Variants in PCDH11X observed in about 807,000 individuals in gnomAD.
PCDH11X encodes the protein protocadherin 11 X-linked.
PCDH11X carries 18 observed loss-of-function variants against 53.3 expected under a neutral mutation model. That is an observed-to-expected ratio of 0.34 (90% CI 0.23 to 0.50). The LOEUF (loss-of-function observed/expected upper bound fraction) is 0.50, where lower values mean the gene tolerates loss of function less well. Ranked by LOEUF, PCDH11X falls within the 20% of genes least tolerant of loss-of-function variation. The pLI is 0.98. For synonymous variants in PCDH11X, 279 were observed against 393.3 expected (o/e 0.71, Z 3.44); for missense variants, 570 against 1,032.4 (o/e 0.55, Z 6.14).
chrX:92,531,829 A>G (rs1173872119), intron 10 of PCDH11X, among the ~76,000 whole-genome samples: 1 of 111,420 alleles, frequency 9.0e-6, no homozygotes, highest in African/African-American at 3.3e-5. Context: ...GGAAATAAAA[A>G]TATCTTTGAG....
At chrX:92,331,574 A>G (rs1030197966) in intron 8 of PCDH11X, among the ~76,000 whole-genome samples, 20 of 109,626 alleles carry the variant, frequency 1.8e-4, no homozygotes, top group African/African-American at 6.6e-4. Context: ...AGGAAATAGT[A>G]TAGTCAATAC....
intron 8 of PCDH11X, among the ~76,000 whole-genome samples, chrX:92,373,099 G>T (rs1327063909): frequency 9.3e-6 from 1 of 107,715 alleles, no homozygotes; most frequent in Non-Finnish European, 1.9e-5. Flanking sequence ...CTGGATATGG[G>T]AATTAAACTG....
chrX:92,587,320 A>G (rs959660377), intron 10 of PCDH11X, among the ~76,000 whole-genome samples: 6 of 111,473 alleles, frequency 5.4e-5, no homozygotes, highest in Non-Finnish European at 9.4e-5. Context: ...TTTAAAATAT[A>G]TATTTGCTCT....
intron 10 of PCDH11X, among the ~76,000 whole-genome samples, chrX:92,572,823 T>G (rs2750565): frequency 0.2 from 18,011 of 91,371 alleles, 2,464 homozygotes; most frequent in Middle Eastern, 0.24. Context: ...GGCAGAGGTT[T>G]CAATGAGCCG....
chrX:92,148,060 T>TCC (rs2065335233), intron 6 of PCDH11X, among the ~76,000 whole-genome samples: 1 of 4,866 alleles, frequency 2.1e-4, no homozygotes, highest in African/African-American at 8.2e-4. Context: ...CTTCCTTCCT[T>TCC]TCTTTCTTTC....
At chrX:92,333,862 A>G (rs1183329481) in intron 8 of PCDH11X, among the ~76,000 whole-genome samples, 2 of 76,471 alleles carry the variant, frequency 2.6e-5, no homozygotes, top group Admixed American at 1.7e-4. Flanking sequence ...AATTATTATC[A>G]GTGTTGAAAG....
At chrX:92,311,666 T>C (rs947823528) in intron 8 of PCDH11X, among the ~76,000 whole-genome samples, 12 of 111,213 alleles carry the variant, frequency 1.1e-4, no homozygotes, top group African/African-American at 2.9e-4. Context: ...TTTTTTTTTT[T>C]CCACAGTAGC....
chrX:91,911,670 A>T (rs1227185502), intron 6 of PCDH11X, among the ~76,000 whole-genome samples: 2 of 110,960 alleles, frequency 1.8e-5, no homozygotes, highest in Admixed American at 1.9e-4. Flanking sequence ...TAGCTCCATG[A>T]GTTCAATTGT....
intron 8 of PCDH11X, among the ~76,000 whole-genome samples, chrX:92,326,737 A>G (rs943831455): frequency 1.2e-5 from 1 of 84,451 alleles, no homozygotes; most frequent in African/African-American, 4.8e-5. Context: ...TTCTGTTCCT[A>G]TTTCTCTCCC....
intron 1 of PCDH11X, among the ~76,000 whole-genome samples, chrX:91,805,210 C>G (rs2147547964): frequency 9.7e-6 from 1 of 102,587 alleles, no homozygotes; most frequent in Admixed American, 1.0e-4. Context: ...TTTAGTCCCT[C>G]AAGATACAGA....
At chrX:92,273,626 A>G (rs966568924) in intron 8 of PCDH11X, among the ~76,000 whole-genome samples, 13 of 110,467 alleles carry the variant, frequency 1.2e-4, no homozygotes, top group Non-Finnish European at 2.3e-4. Flanking sequence ...GGGCTGCTTC[A>G]AGCGGGATTA....
chrX:92,622,581 A>G lies in PCDH11X; in HGVS notation c.*3641A>G, dbSNP rs1340739057. The G allele has an allele frequency of 9.1e-6, 1 of 110,441 alleles. No individual in the cohort carries two copies. The highest frequency in any genetic ancestry group is 3.3e-5 in the African/African-American group (1 of 30,505). The allele number at this position is 110,441 out of a possible 1,213,427, so 9.1% of individuals were successfully genotyped here. A position where few individuals can be genotyped will look rare whatever the true frequency, so the allele number is the denominator to read the frequency against. ...TGGAAACCAAATTTATAGTTAGTTT[A>G]GGTAAACTTTTTATTATGACCATTA... On this transcript the variant is annotated 3_prime_UTR_variant, in exon 11 of 11. Coordinates refer to ENST00000682573, the MANE Select transcript of PCDH11X (RefSeq NM_032968.5).
intron 6 of PCDH11X, among the ~76,000 whole-genome samples, chrX:92,011,782 GT>G (rs1410498029): frequency 1.8e-5 from 2 of 111,061 alleles, no homozygotes; most frequent in African/African-American, 6.5e-5. Context: ...TGATACTTAG[GT>G]TTTAGAATCA....
intron 6 of PCDH11X, among the ~76,000 whole-genome samples, chrX:92,019,655 C>T (rs1377841278): frequency 1.8e-5 from 2 of 111,714 alleles, no homozygotes; most frequent in Non-Finnish European, 3.8e-5. Context: ...TTATTTGAAG[C>T]TAATGAGAAA....
Position 91,878,019 on chromosome X carries a change from T to G in PCDH11X, c.1779T>G (p.Thr593=), listed in dbSNP as rs1212112954. 2 of 1,210,825 alleles carry G rather than the reference T, an allele frequency of 1.7e-6. No homozygotes were observed. Among genetic ancestry groups the G allele is most frequent in the Non-Finnish European group, 2.2e-6 (2 of 895,204 alleles). ...GGCATGGTACAGTAGGACTAATCAC[T>G]GTAACTGATCCTGATTATGGAGACA... The part of the protein sequence containing the change: ...LPRHGTVGLI[T]VTDPDYGDNS... The change falls in exon 6 of 11, where the codon ACT becomes ACG. Residue 593 remains threonine, a synonymous_variant. Transcript: ENST00000682573.
intron 8 of PCDH11X, among the ~76,000 whole-genome samples, chrX:92,268,209 C>G (rs2067874924): frequency 8.9e-6 from 1 of 111,957 alleles, no homozygotes; most frequent in African/African-American, 3.2e-5. Flanking sequence ...ATGCATGAGG[C>G]TAAATCTGCA....
At chrX:91,879,300 T>G (rs1182569375) in intron 6 of PCDH11X, 27 bp downstream of exon 6, 1 of 1,209,439 alleles carries the variant, frequency 8.3e-7, no homozygotes, top group Admixed American at 2.2e-5. Context: ...CTAACACAAC[T>G]TTCTAACTAT....
At position 91,828,650 on chromosome X, in the gene PCDH11X, A is replaced by C. The variant is rs189536244; in HGVS notation, c.-44-6811A>C. 2.5e-4 allele frequency among the ~76,000 whole-genome samples: 28 copies of C among 111,649 alleles called. No homozygotes were observed. In the East Asian group the frequency reaches 7.1e-3, roughly 28 times the overall value. ...TAGGCTGAGGCATCTGTTATTAGGC[A>C]GTTGATAAACCAAGTCGTAAGATTG... On this transcript the variant is annotated intron_variant, in intron 4 of 10. Coordinates refer to ENST00000682573, the MANE Select transcript of PCDH11X (RefSeq NM_032968.5).
intron 7 of PCDH11X, among the ~76,000 whole-genome samples, chrX:92,254,219 A>G (rs1377223570): frequency 8.9e-6 from 1 of 112,043 alleles, no homozygotes; most frequent in Non-Finnish European, 1.9e-5. Flanking sequence ...GATACAATGT[A>G]TCACATTGAT....
Sources: allele counts gnomAD v4.1 joint callset (sites outside exome capture counted in the v4.1 genomes callset), GRCh38; gene constraint gnomAD v4.1.1; transcripts MANE v1.5; gene names NCBI Gene and HGNC (gene_info 2026-07-23, HGNC 2026-07-21).